The following PTPRG variants were observed in gnomAD, a reference collection of about 807,000 sequenced individuals.
PTPRG encodes the protein receptor-type tyrosine-protein phosphatase gamma.
PTPRG carries 102 observed loss-of-function variants against 165.3 expected under a neutral mutation model. The ratio of observed to expected loss-of-function variants is 0.62; its 90% CI spans 0.53 to 0.73. The LOEUF (loss-of-function observed/expected upper bound fraction) is 0.73. Among genes scored for constraint, PTPRG ranks in the 30% least tolerant of loss-of-function variants. The probability of loss-of-function intolerance (pLI) is 0.00; values close to 1 mark genes in which losing one functional copy is unlikely to be tolerated. For missense variants in PTPRG, 1,866 were observed against 1,861.4 expected, an observed-to-expected ratio of 1.00 and a Z score of -0.05; for synonymous variants, 675 against 669.5, an observed-to-expected ratio of 1.01 and a Z score of -0.13.
At chr3:62,174,024 T>C (rs1705321451) in intron 8 of PTPRG, among the ~76,000 whole-genome samples, 1 of 152,216 alleles carries the variant, frequency 6.6e-6, no homozygotes, top group African/African-American at 2.4e-5. Context: ...TTTAGGCTTA[T>C]TGGATTGTTC....
At chr3:61,751,673 A>G (rs1055522984) in intron 2 of PTPRG, among the ~76,000 whole-genome samples, 8 of 152,178 alleles carry the variant, frequency 5.3e-5, no homozygotes, top group Non-Finnish European at 1.0e-4. Context: ...TGTTACAGGG[A>G]TTCAGTGAGA....
At chr3:61,672,249 C>T (rs1703031387) in intron 1 of PTPRG, among the ~76,000 whole-genome samples, 1 of 132,896 alleles carries the variant, frequency 7.5e-6, no homozygotes, top group Non-Finnish European at 1.6e-5. Flanking sequence ...GGCAGCCAGG[C>T]AGAGGGGCTC....
rs1243892451 is a variant in PTPRG, at chr3:61,571,954, T to G, written c.85+9582T>G. The stretch of plus-strand genomic sequence containing the variant: ...TTCTTTCGGGTTGTTTGCCTCACCC[T>G]TCACTAAATGGCTTCTAAAATTTTT... On this transcript the variant is annotated intron_variant, in intron 1 of 29. Coordinates refer to ENST00000474889, the MANE Select transcript of PTPRG (RefSeq NM_002841.4). Among the ~76,000 whole-genome samples, 5 of 152,200 alleles carry G rather than the reference T, an allele frequency of 3.3e-5. No individual in the cohort carries two copies. The East Asian group carries it at 5.8e-4, about 18-fold the overall frequency.
intron 2 of PTPRG, among the ~76,000 whole-genome samples, chr3:61,909,293 AC>A (rs1471752644): frequency 1.3e-5 from 2 of 152,140 alleles, no homozygotes; most frequent in Non-Finnish European, 2.9e-5. Context: ...AGATAGGTGT[AC>A]CCTTTTCAGC....
intron 5 of PTPRG, among the ~76,000 whole-genome samples, chr3:62,086,094 A>G (rs1331481917): frequency 6.6e-6 from 1 of 152,172 alleles, no homozygotes; most frequent in Non-Finnish European, 1.5e-5. Context: ...AAATTTTAGA[A>G]TTGGACTCTT....
intron 1 of PTPRG, among the ~76,000 whole-genome samples, chr3:61,565,577 C>T (rs987500155): frequency 6.6e-6 from 1 of 151,754 alleles, no homozygotes; most frequent in Non-Finnish European, 1.5e-5. Flanking sequence ...GAGTGTTAAC[C>T]TTTTATCTAG....
At chr3:61,689,516 G>A (rs1398008768) in intron 1 of PTPRG, among the ~76,000 whole-genome samples, 1 of 152,216 alleles carries the variant, frequency 6.6e-6, no homozygotes, top group Non-Finnish European at 1.5e-5. Flanking sequence ...TATGGCAGCT[G>A]AAACTAAGAA....
At chr3:62,045,724 G>A (rs1700268641) in intron 4 of PTPRG, among the ~76,000 whole-genome samples, 1 of 152,178 alleles carries the variant, frequency 6.6e-6, no homozygotes, top group African/African-American at 2.4e-5. Flanking sequence ...CTCTTAACAG[G>A]TCATGACCTG....
intron 2 of PTPRG, among the ~76,000 whole-genome samples, chr3:61,834,655 A>T (rs1227031503): frequency 6.6e-6 from 1 of 152,198 alleles, no homozygotes; most frequent in Non-Finnish European, 1.5e-5. Flanking sequence ...TCTACTAAAA[A>T]TACAAAAATT....
At chr3:61,801,302 G>A (rs1230469740) in intron 2 of PTPRG, among the ~76,000 whole-genome samples, 1 of 151,304 alleles carries the variant, frequency 6.6e-6, no homozygotes, top group Non-Finnish European at 1.5e-5. Context: ...ACGCATATGT[G>A]TGTGTGTAAT....
chr3:62,184,600 A>C (rs930768474), intron 8 of PTPRG, among the ~76,000 whole-genome samples: 18 of 152,120 alleles, frequency 1.2e-4, no homozygotes, highest in Non-Finnish European at 2.9e-5. Context: ...CCTGCTTTTA[A>C]CAGGAAATGC....
chr3:61,874,482 A>C (rs2037668862), intron 2 of PTPRG, among the ~76,000 whole-genome samples: 1 of 151,788 alleles, frequency 6.6e-6, no homozygotes, highest in Admixed American at 6.6e-5. Flanking sequence ...CTTTCTTTTC[A>C]CTTAAATACC....
At position 61,659,231 on chromosome 3, in the gene PTPRG, G is replaced by C. The variant is rs1219369555; in HGVS notation, c.86-89647G>C. On this transcript the variant is annotated intron_variant, in intron 1 of 29. Transcript: ENST00000474889. ...CTTGTAGCTCCATAGCCGTCAGCCT[G>C]AATAGATGTTCTCAGGGCTTCATAT... is the stretch of plus-strand genomic sequence containing the variant. 4.7e-6 allele frequency: 4 copies of C among 845,570 alleles called. No homozygotes were observed. The East Asian group carries it at 3.7e-4, about 78-fold the overall frequency. 52.4% of individuals were successfully genotyped at this position (845,570 alleles called of 1,614,324 possible).
intron 2 of PTPRG, among the ~76,000 whole-genome samples, chr3:61,885,684 CT>C (rs2038013304): frequency 9.0e-6 from 1 of 110,688 alleles, no homozygotes; most frequent in African/African-American, 3.5e-5. Context: ...CTCCTCTCCT[CT>C]CCTCTCCTCT....
At chr3:61,812,214 T>C (rs960136421) in intron 2 of PTPRG, among the ~76,000 whole-genome samples, 1 of 152,106 alleles carries the variant, frequency 6.6e-6, no homozygotes, top group African/African-American at 2.4e-5. Context: ...TGTGTGTGTG[T>C]GTGTGTGTGA....
chr3:61,835,182 GCCTT>G (rs1422537503), intron 2 of PTPRG, among the ~76,000 whole-genome samples: 1 of 152,156 alleles, frequency 6.6e-6, no homozygotes, highest in Non-Finnish European at 1.5e-5. Flanking sequence ...GAGGCAGGCT[GCCTT>G]CCTTTGGTCG....
At chr3:62,106,987 T>C (rs1272840721) in intron 5 of PTPRG, among the ~76,000 whole-genome samples, 1 of 152,212 alleles carries the variant, frequency 6.6e-6, no homozygotes, top group Non-Finnish European at 1.5e-5. Flanking sequence ...TTACCTTCAC[T>C]GGCAATATAA....
intron 2 of PTPRG, among the ~76,000 whole-genome samples, chr3:61,975,285 A>T (rs1219329283): frequency 6.6e-6 from 1 of 152,208 alleles, no homozygotes; most frequent in Non-Finnish European, 1.5e-5. Flanking sequence ...TGGGGGTAAT[A>T]TGGAAGTTTA....
chr3:62,074,216 C>A (rs1040851928), intron 4 of PTPRG, among the ~76,000 whole-genome samples: 14 of 109,086 alleles, frequency 1.3e-4, no homozygotes, highest in Middle Eastern at 4.6e-3. Context: ...TGTGTGTATA[C>A]AGAGAGAGCG....
Sources: allele counts gnomAD v4.1 joint callset (sites outside exome capture counted in the v4.1 genomes callset), GRCh38; gene constraint gnomAD v4.1.1; transcripts MANE v1.5; gene names NCBI Gene and HGNC (gene_info 2026-07-23, HGNC 2026-07-21).